FRMD4B: variants seen among roughly 807,000 people sequenced by gnomAD.
FRMD4B encodes the protein FERM domain containing 4B.
Under a neutral mutation model 141.5 loss-of-function variants are expected in FRMD4B, and 74 were observed. The observed-to-expected ratio is 0.52, with a 90% CI of 0.43 to 0.63. FRMD4B has a LOEUF of 0.63. Ranked by LOEUF, FRMD4B falls within the 30% of genes least tolerant of loss-of-function variation. The pLI is 0.00. For synonymous variants in FRMD4B, 506 were observed against 467.9 expected, an observed-to-expected ratio of 1.08 and a Z score of -1.05; for missense variants, 1,366 against 1,253.4, an observed-to-expected ratio of 1.09 and a Z score of -1.36.
chr3:69,260,120 C>T (rs1007886775), intron 5 of FRMD4B, among the ~76,000 whole-genome samples: 1 of 152,104 alleles, frequency 6.6e-6, no homozygotes, highest in Non-Finnish European at 1.5e-5. Flanking sequence ...GCTAGCAGCC[C>T]TCGCTCGCTC....
chr3:69,392,844 A>C (rs992772775), intron 2 of FRMD4B, among the ~76,000 whole-genome samples: 1 of 152,142 alleles, frequency 6.6e-6, no homozygotes, highest in Non-Finnish European at 1.5e-5. Flanking sequence ...CCCGAGCGAC[A>C]CAAGTTCTGT....
At chr3:69,512,595 G>T (rs183378287) in intron 1 of FRMD4B, among the ~76,000 whole-genome samples, 51 of 152,238 alleles carry the variant, frequency 3.4e-4, no homozygotes, top group African/African-American at 1.2e-3. Flanking sequence ...TTCAAACATG[G>T]CTTCCAACGT....
At chr3:69,469,963 T>C (rs1001555783) in intron 1 of FRMD4B, among the ~76,000 whole-genome samples, 3 of 152,188 alleles carry the variant, frequency 2.0e-5, no homozygotes, top group Admixed American at 6.5e-5. Flanking sequence ...AACAGCAGTA[T>C]AGCACAGTTC....
chr3:69,376,205 A>C (rs1703967360), intron 1 of FRMD4B, among the ~76,000 whole-genome samples: 1 of 152,162 alleles, frequency 6.6e-6, no homozygotes, highest in Non-Finnish European at 1.5e-5. Flanking sequence ...GAAGAGGTAC[A>C]AAGGAGGTTT....
intron 2 of FRMD4B, among the ~76,000 whole-genome samples, chr3:69,405,926 T>C (rs1445242445): frequency 6.6e-6 from 1 of 152,188 alleles, no homozygotes; most frequent in African/African-American, 2.4e-5. Flanking sequence ...TCAAATAATA[T>C]TTTGCATTTT....
At chr3:69,262,524 G>T (rs1204882329) in intron 5 of FRMD4B, among the ~76,000 whole-genome samples, 4 of 121,688 alleles carry the variant, frequency 3.3e-5, no homozygotes, top group African/African-American at 6.3e-5. Flanking sequence ...GGAGTGCAAT[G>T]GCTCGATCTC....
At chr3:69,383,714 T>C (rs987833001) in intron 1 of FRMD4B, among the ~76,000 whole-genome samples, 9 of 151,824 alleles carry the variant, frequency 5.9e-5, no homozygotes, top group Non-Finnish European at 1.2e-4. Context: ...TTCATGACGC[T>C]ATACCTGGCT....
chr3:69,518,602 A>G (rs774335814), intron 1 of FRMD4B, among the ~76,000 whole-genome samples: 60 of 152,288 alleles, frequency 3.9e-4, no homozygotes, highest in Admixed American at 9.8e-4. Context: ...AGAGAATGTA[A>G]CACCTGGTGT....
chr3:69,272,684 G>A (rs578189980), intron 5 of FRMD4B, among the ~76,000 whole-genome samples: 5 of 152,274 alleles, frequency 3.3e-5, no homozygotes, highest in Admixed American at 2.0e-4. Context: ...TTCTTGGTAC[G>A]ACTAAAATTG....
intron 1 of FRMD4B, among the ~76,000 whole-genome samples, chr3:69,381,642 G>C (rs1264987037): frequency 1.3e-5 from 2 of 152,206 alleles, no homozygotes; most frequent in African/African-American, 4.8e-5. Context: ...CTCTGATTTA[G>C]AATTCACAAT....
At chr3:69,191,558 C>CT (rs5849879) in intron 17 of FRMD4B, among the ~76,000 whole-genome samples, 148,115 of 152,326 alleles carry the variant, frequency 0.97, 72,147 homozygotes, top group East Asian at 1. Context: ...AAATATAATC[C>CT]TCAATGTAAA....
chr3:69,476,951 A>C (rs1706012238), intron 1 of FRMD4B, among the ~76,000 whole-genome samples: 1 of 151,956 alleles, frequency 6.6e-6, no homozygotes, highest in Non-Finnish European at 1.5e-5. Flanking sequence ...TAGATATTTT[A>C]TTCTCTTTGA....
intron 1 of FRMD4B, among the ~76,000 whole-genome samples, chr3:69,330,863 C>T (rs1702347227): frequency 6.6e-6 from 1 of 152,170 alleles, no homozygotes; most frequent in African/African-American, 2.4e-5. Context: ...AATCTTTTCC[C>T]TGCTGAAGGA....
intron 1 of FRMD4B, among the ~76,000 whole-genome samples, chr3:69,465,866 C>G (rs528077329): frequency 2.0e-5 from 3 of 152,236 alleles, no homozygotes; most frequent in Non-Finnish European, 4.4e-5. Context: ...GTCCATGTGT[C>G]TTTATAGGAG....
In FRMD4B at chr3:69,489,787, C is replaced by G. The variant is rs545786060; in HGVS notation, c.-129+52419G>C. Among the ~76,000 whole-genome samples, 511 of 152,270 alleles carry G rather than the reference C, an allele frequency of 3.4e-3. 2 individuals carry two copies. Among genetic ancestry groups the G allele is most frequent in the Non-Finnish European group, 6.1e-3 (418 of 68,020 alleles). The stretch of plus-strand genomic sequence containing the variant: ...ATCCCAAGATATGCACACAGATGTT[C>G]ACAGAAGCATTTTTCACAAGAGCCA... On this transcript the variant is annotated intron_variant, in intron 1 of 5. Transcript: ENST00000459638.
chr3:69,224,768 A>G (rs2093234123), intron 7 of FRMD4B, 78 bp from the exon 8 acceptor site: 9 of 734,848 alleles, frequency 1.2e-5, no homozygotes, highest in Middle Eastern at 2.3e-4. Flanking sequence ...AATGAATTAG[A>G]TTAAAAAAAT....
chr3:69,421,855 T>G (rs1056830896), intron 2 of FRMD4B, among the ~76,000 whole-genome samples: 2 of 151,966 alleles, frequency 1.3e-5, no homozygotes, highest in Middle Eastern at 3.2e-3. Flanking sequence ...AAACAAAAAA[T>G]AAAGACAAAA....
intron 1 of FRMD4B, among the ~76,000 whole-genome samples, chr3:69,474,465 G>T (rs1705949218): frequency 1.3e-5 from 2 of 152,092 alleles, no homozygotes; most frequent in Admixed American, 1.3e-4. Context: ...AATTGGGGAT[G>T]GTTCTGTGAC....
intron 18 of FRMD4B, 22 bp downstream of exon 18, chr3:69,189,874 C>CA (rs1453023369): frequency 4.0e-6 from 6 of 1,493,214 alleles, no homozygotes; most frequent in African/African-American, 1.4e-5. Context: ...ATTTTTAAAC[C>CA]AAAAAAGGAA....
Sources: gnomAD v4.1 joint callset for allele counts (sites outside exome capture counted in the v4.1 genomes callset) on GRCh38, gnomAD v4.1.1 for gene constraint, MANE v1.5 for transcripts, NCBI Gene and HGNC (gene_info 2026-07-23, HGNC 2026-07-21) for gene names.